MICALL2: variants seen among roughly 807,000 people sequenced by gnomAD.
MICALL2 encodes MICAL-like protein 2.
Under a neutral mutation model 91.1 loss-of-function variants are expected in MICALL2, and 111 were observed. The ratio of observed to expected loss-of-function variants is 1.22; its 90% CI spans 1.04 to 1.43. The LOEUF is 1.43. Ranked by LOEUF, MICALL2 falls within the 40% of genes most tolerant of loss-of-function variation. MICALL2 has a pLI of 0.00. For synonymous variants in MICALL2, 694 were observed against 525.3 expected, an observed-to-expected ratio of 1.32 and a Z score of -4.39; for missense variants, 1,556 against 1,236.0, an observed-to-expected ratio of 1.26 and a Z score of -3.88.
At position 1,445,003 on chromosome 7, in the gene MICALL2, G is replaced by T; in HGVS notation, c.1067C>A (p.Ala356Glu). 6.6e-7 allele frequency: 1 copy of T among 1,514,906 alleles called. No homozygotes were observed. 93.8% of individuals were successfully genotyped at this position (1,514,906 alleles called of 1,614,324 possible). Reference sequence around the variant, plus strand: ...CACGGCGGGATGGGAGGCAGCCGCTGCTGTGCACGGGGCAGCTGACGACCA... The same window carrying T: ...CACGGCGGGATGGGAGGCAGCCGCTTCTGTGCACGGGGCAGCTGACGACCA... ...MGWSSAAPCT[A>E]AAASHPAVPP... The change falls in exon 6 of 17, where the codon GCA (alanine) becomes GAA (glutamate). Residue 356 changes from alanine to glutamate, a missense_variant. Coordinates refer to ENST00000297508, the MANE Select transcript of MICALL2 (RefSeq NM_182924.4).
At chr7:1,449,841 G>A (rs1188635184) in intron 2 of MICALL2, among the ~76,000 whole-genome samples, 2 of 152,266 alleles carry the variant, frequency 1.3e-5, no homozygotes, top group Non-Finnish European at 1.5e-5. Context: ...TGGCAGGGCC[G>A]GAAGGCAGGT....
chr7:1,436,698 C>T (rs776713035), intron 15 of MICALL2, 44 bp downstream of exon 15: 24 of 1,484,804 alleles, frequency 1.6e-5, no homozygotes, highest in East Asian at 4.7e-5. Flanking sequence ...ATGGACCAGG[C>T]GACCTGGCCT....
chr7:1,438,978 G>A lies in MICALL2; in HGVS notation c.1984C>T (p.Pro662Ser), dbSNP rs760373974. 8 of 1,596,148 alleles carry A rather than the reference G, an allele frequency of 5.0e-6. No homozygotes were observed. The Admixed American group carries it at 1.3e-4, about 27-fold the overall frequency. The change falls in exon 10 of 17, where the codon CCC becomes TCC. Residue 662 changes from proline (P) to serine (S), a missense_variant. Physicochemically the swap from Pro to Ser is moderately conservative, Grantham distance 74. Coordinates refer to ENST00000297508, the MANE Select transcript of MICALL2 (RefSeq NM_182924.4). ...GGGACGGCCAGTCTCCTGCGGCGGG[G>A]TGGGGAGGGGGACCTGGCTGCCCCC... is the stretch of plus-strand genomic sequence containing the variant. ...PSLPARSPSP[P>S]RRRRLAVPAS...
At chr7:1,456,090 G>C (rs371530875) in intron 1 of MICALL2, among the ~76,000 whole-genome samples, 3 of 151,978 alleles carry the variant, frequency 2.0e-5, no homozygotes, top group South Asian at 2.1e-4. Context: ...CTGAGGGCAC[G>C]GGATGGGGGT....
At position 1,442,488 on chromosome 7, in the gene MICALL2, T is replaced by G; in HGVS notation, c.1419-4A>C. The G allele has an allele frequency of 6.6e-7, 1 of 1,524,754 alleles. No homozygotes were observed. Among genetic ancestry groups the G allele is most frequent in the African/African-American group, 1.4e-5 (1 of 72,112 alleles). 94.5% of individuals were successfully genotyped at this position (1,524,754 alleles called of 1,614,324 possible). A position where few individuals can be genotyped will look rare whatever the true frequency, so the allele number is the denominator to read the frequency against. On this transcript the variant is annotated splice_polypyrimidine_tract_variant and splice_region_variant and intron_variant, in intron 6 of 16. Coordinates refer to ENST00000297508, the MANE Select transcript of MICALL2 (RefSeq NM_182924.4). ...AGCGGCAGTGGCTGGGGAGGGCCTA[T>G]AAGTAAAAGCGCAGGCATCAGGCAC...
chr7:1,436,219 G>A (rs887650588), intron 15 of MICALL2, among the ~76,000 whole-genome samples: 22 of 151,714 alleles, frequency 1.5e-4, no homozygotes, highest in African/African-American at 5.1e-4. Context: ...GTGAAACCCC[G>A]TCTCTACCAA....
intron 7 of MICALL2, chr7:1,441,870 C>CA (rs1163232871): frequency 5.2e-6 from 2 of 382,182 alleles, no homozygotes; most frequent in Non-Finnish European, 9.5e-6. Context: ...CAAGCCAGGC[C>CA]ACTGCTAGCC....
At chr7:1,449,207 TCGA>T (rs1409716741) in intron 2 of MICALL2, among the ~76,000 whole-genome samples, 2 of 152,150 alleles carry the variant, frequency 1.3e-5, no homozygotes, top group African/African-American at 4.8e-5. Context: ...AGACAGGGAC[TCGA>T]CAGCCCACGC....
chr7:1,438,391 C>T, intron 10 of MICALL2, 38 bp from the exon 11 acceptor site: 1 of 1,574,606 alleles, frequency 6.4e-7, no homozygotes, highest in East Asian at 2.3e-5. Context: ...GGACCTGGGC[C>T]ACCAGGCCCA....
At chr7:1,455,191 G>A (rs555974457) in intron 1 of MICALL2, among the ~76,000 whole-genome samples, 20 of 152,346 alleles carry the variant, frequency 1.3e-4, no homozygotes, top group Non-Finnish European at 2.6e-4. Flanking sequence ...CCCGAGGGCT[G>A]TGCCTGGAGA....
At chr7:1,458,567 C>A (rs906182024) in intron 1 of MICALL2, among the ~76,000 whole-genome samples, 1 of 152,260 alleles carries the variant, frequency 6.6e-6, no homozygotes, top group South Asian at 2.1e-4. Flanking sequence ...CAGCTACACA[C>A]GCCAAGACCC....
chr7:1,435,212 G>C lies in MICALL2; in HGVS notation c.2592-65C>G. 3 of 1,560,956 alleles carry C rather than the reference G, an allele frequency of 1.9e-6. No homozygotes were observed. The Admixed American group carries it at 5.0e-5, about 26-fold the overall frequency. On this transcript the variant is annotated intron_variant, in intron 15 of 16. Transcript: ENST00000297508. ...GGCAAGGTGCCCTGGAGGGGCCTCCGGACAGTCTCCAGCAGTGGCACCCCA... is the reference window on the plus strand; with the variant it reads ...GGCAAGGTGCCCTGGAGGGGCCTCCCGACAGTCTCCAGCAGTGGCACCCCA...
At chr7:1,436,969 G>T in intron 14 of MICALL2, 113 bp from the exon 15 acceptor site, 1 of 703,140 alleles carries the variant, frequency 1.4e-6, no homozygotes, top group East Asian at 3.1e-5. Flanking sequence ...AAGAAGGTGG[G>T]GTCTTGGGGG....
intron 6 of MICALL2, among the ~76,000 whole-genome samples, 154 bp from the exon 7 acceptor site, chr7:1,442,638 C>A (rs898563550): frequency 6.7e-6 from 1 of 150,064 alleles, no homozygotes; most frequent in Non-Finnish European, 1.5e-5. Flanking sequence ...CCACCTCCCC[C>A]ACCATTGCGC....
At chr7:1,457,659 G>A (rs1781068082) in intron 1 of MICALL2, among the ~76,000 whole-genome samples, 1 of 152,206 alleles carries the variant, frequency 6.6e-6, no homozygotes, top group Non-Finnish European at 1.5e-5. Flanking sequence ...CTGCCCACAG[G>A]CACGTCTGAG....
chr7:1,440,214 C>T (rs1437331847), intron 8 of MICALL2, 129 bp from the exon 9 acceptor site: 1 of 1,127,902 alleles, frequency 8.9e-7, no homozygotes, highest in Non-Finnish European at 1.2e-6. Context: ...TGCCACCTCC[C>T]AGCCCACTGA....
At chr7:1,448,895 T>A in intron 2 of MICALL2, 134 bp from the exon 3 acceptor site, 5 of 1,067,144 alleles carry the variant, frequency 4.7e-6, no homozygotes, top group Non-Finnish European at 6.7e-6. Context: ...AGCTGAGTTC[T>A]GCTCGCGTGG....
chr7:1,455,930 C>T (rs1193512683), intron 1 of MICALL2, among the ~76,000 whole-genome samples: 2 of 151,950 alleles, frequency 1.3e-5, no homozygotes, highest in Non-Finnish European at 2.9e-5. Context: ...TCAGAGCTGC[C>T]CTGAGAGGAC....
chr7:1,437,646 G>T, intron 13 of MICALL2, 38 bp from the exon 14 acceptor site: 2 of 1,525,460 alleles, frequency 1.3e-6, no homozygotes. Flanking sequence ...TGACTCTGCC[G>T]CCCTGTCCCC....
Sources: allele counts gnomAD v4.1 joint callset (sites outside exome capture counted in the v4.1 genomes callset), GRCh38; gene constraint gnomAD v4.1.1; transcripts MANE v1.5; gene names NCBI Gene and HGNC (gene_info 2026-07-23, HGNC 2026-07-21).